COL11A1: variants seen among roughly 807,000 people sequenced by gnomAD.
COL11A1 encodes collagen alpha-1(XI) chain.
COL11A1 carries 74 observed loss-of-function variants against 265.2 expected under a neutral mutation model. The ratio of observed to expected loss-of-function variants is 0.28; its 90% CI spans 0.23 to 0.34. COL11A1 has a LOEUF of 0.34. COL11A1 is among the 10% of genes least tolerant of loss of function. The pLI, the probability that COL11A1 is intolerant of heterozygous loss-of-function variation, is 1.00. For synonymous variants in COL11A1, 816 were observed against 727.6 expected (o/e 1.12, Z -1.96); for missense variants, 2,165 against 2,263.6 (o/e 0.96, Z 0.88).
chr1:102,941,878 T>C (rs1474113986), intron 42 of COL11A1, among the ~76,000 whole-genome samples: 1 of 152,184 alleles, frequency 6.6e-6, no homozygotes, highest in African/African-American at 2.4e-5. Context: ...TTGTGTCTGA[T>C]TTTGCATTCT....
intron 46 of COL11A1, among the ~76,000 whole-genome samples, chr1:102,933,865 G>C (rs575179881): frequency 6.6e-6 from 1 of 152,108 alleles, no homozygotes; most frequent in Non-Finnish European, 1.5e-5. Flanking sequence ...AGGTGAGTCC[G>C]TCACCCCTTT....
At chr1:103,060,497 C>A (rs1228657250) in intron 4 of COL11A1, among the ~76,000 whole-genome samples, 1 of 151,806 alleles carries the variant, frequency 6.6e-6, no homozygotes, top group Non-Finnish European at 1.5e-5. Context: ...ATAATAATAG[C>A]AATAATGGAT....
chr1:103,102,271 G>C (rs1183273641), intron 1 of COL11A1, among the ~76,000 whole-genome samples: 3 of 152,032 alleles, frequency 2.0e-5, no homozygotes, highest in African/African-American at 4.8e-5. Context: ...TAAATTGCAA[G>C]AGAATTTAGA....
At chr1:103,006,540 T>TTTTTTC in intron 15 of COL11A1, among the ~76,000 whole-genome samples, 1 of 131,122 alleles carries the variant, frequency 7.6e-6, no homozygotes, top group Non-Finnish European at 1.6e-5. Flanking sequence ...TTTTTTTTTT[T>TTTTTTC]TTTTTTTTTT....
intron 4 of COL11A1, among the ~76,000 whole-genome samples, chr1:103,067,981 C>G (rs1671281736): frequency 6.6e-6 from 1 of 151,234 alleles, no homozygotes; most frequent in Non-Finnish European, 1.5e-5. Flanking sequence ...AACTCAGGGC[C>G]CTGAAATTTT....
intron 57 of COL11A1, 114 bp downstream of exon 57, chr1:102,898,011 C>A: frequency 3.9e-6 from 2 of 512,452 alleles, no homozygotes; most frequent in South Asian, 2.6e-5. Flanking sequence ...ACTTCTTGGA[C>A]TATTAGAAAA....
Position 103,108,109 on chromosome 1 carries a change from A to C in COL11A1, c.70T>G (p.Leu24Val), listed in dbSNP as rs757861232. 1.9e-6 allele frequency: 3 copies of C among 1,613,862 alleles called. No individual in the cohort carries two copies. In the East Asian group the frequency reaches 6.7e-5, roughly 36 times the overall value. The change falls in exon 1 of 67, where the codon TTG becomes GTG. Residue 24 changes from leucine (L) to valine (V), a missense_variant. Physicochemically the swap from Leu to Val is conservative, Grantham distance 32 (BLOSUM62 1). Transcript: ENST00000370096. ...LWDFTVTTLA[L>V]TFLFQAREVR... Reference sequence around the variant, plus strand: ...TCTCTAGCTTGGAAGAGGAAGGTCAATGCGAGGGTTGTTACGGTGAAATCC... The same window carrying C: ...TCTCTAGCTTGGAAGAGGAAGGTCACTGCGAGGGTTGTTACGGTGAAATCC...
At chr1:103,025,278 T>G (rs1364343199) in intron 7 of COL11A1, among the ~76,000 whole-genome samples, 2 of 152,182 alleles carry the variant, frequency 1.3e-5, no homozygotes, top group Non-Finnish European at 2.9e-5. Context: ...TAGCGGCCAA[T>G]TCAGTTTGAT....
rs60080290 is a variant in COL11A1, at chr1:103,001,778, A to G, written c.2142+147T>C. 4,360 of 718,936 alleles carry G rather than the reference A, an allele frequency of 6.1e-3. 142 individuals carry two copies. In the African/African-American group the frequency reaches 0.068, roughly 11 times the overall value. 44.5% of individuals were successfully genotyped at this position (718,936 alleles called of 1,614,324 possible). Reference sequence around the variant, plus strand: ...CACATGAATGAAATCTCCCCACACTATATTTCCATGTCGACTCCAGATTAA... The same window carrying G: ...CACATGAATGAAATCTCCCCACACTGTATTTCCATGTCGACTCCAGATTAA... On this transcript the variant is annotated intron_variant, in intron 24 of 66. Transcript: ENST00000370096.
Position 102,886,843 on chromosome 1 carries a change from T to C in COL11A1, c.4822A>G (p.Lys1608Glu). The C allele has an allele frequency of 1.2e-6, 2 of 1,613,964 alleles. No individual in the cohort carries two copies. Among genetic ancestry groups the C allele is most frequent in the Non-Finnish European group, 1.7e-6 (2 of 1,179,844 alleles). ...GTQTNPARTC[K>E]DLQLSHPDFP... ...TCAGGATGGCTGAGTTGCAGGTCTT[T>C]ACAAGTTCGGGCTGGATTGGTCTGA... Residue 1608 changes from lysine (K) to glutamate (E), a missense_variant, in exon 63 of 67, where the codon AAA becomes GAA. Lys to Glu is a moderately conservative substitution (Grantham distance 56). Coordinates refer to ENST00000370096, the MANE Select transcript of COL11A1 (RefSeq NM_001854.4).
At chr1:103,071,682 A>C (rs1431374881) in intron 4 of COL11A1, among the ~76,000 whole-genome samples, 1 of 151,434 alleles carries the variant, frequency 6.6e-6, no homozygotes, top group East Asian at 1.9e-4. Flanking sequence ...GACTTTTAGC[A>C]GACAGACAGA....
At chr1:102,878,251 G>T (rs767185218) in intron 66 of COL11A1, 86 bp from the exon 67 acceptor site, 240 of 1,215,748 alleles carry the variant, frequency 2.0e-4, no homozygotes, top group Non-Finnish European at 2.6e-4. Flanking sequence ...TCTGAGTGGA[G>T]GTAAGAAGCT....
At chr1:103,008,010 T>A (rs1437925638) in intron 15 of COL11A1, among the ~76,000 whole-genome samples, 4 of 151,976 alleles carry the variant, frequency 2.6e-5, no homozygotes, top group African/African-American at 9.7e-5. Context: ...ATGAAAATAA[T>A]CCTTCCTTTG....
intron 4 of COL11A1, among the ~76,000 whole-genome samples, chr1:103,060,545 G>T (rs1670592961): frequency 6.6e-6 from 1 of 152,148 alleles, no homozygotes; most frequent in Non-Finnish European, 1.5e-5. Context: ...TAAAATGAAT[G>T]ATTGCAATGA....
chr1:103,021,910 C>T, intron 8 of COL11A1, 141 bp from the exon 9 acceptor site: 4 of 670,006 alleles, frequency 6.0e-6, no homozygotes, highest in African/African-American at 1.8e-5. Context: ...TGCAGTGGCT[C>T]GATCTCCGCT....
At chr1:103,003,398 G>A in intron 20 of COL11A1, 130 bp from the exon 21 acceptor site, 1 of 961,228 alleles carries the variant, frequency 1.0e-6, no homozygotes, top group South Asian at 1.5e-5. Context: ...TTAACACACT[G>A]AAAGTGATGT....
Position 103,003,150 on chromosome 1 carries a change from T to C in COL11A1, c.1998+65A>G, listed in dbSNP as rs138206817. On this transcript the variant is annotated intron_variant, in intron 21 of 66. Coordinates refer to ENST00000370096, the MANE Select transcript of COL11A1 (RefSeq NM_001854.4). Reference sequence around the variant, plus strand: ...CTTGGCTCTCTACTGAGGGCTTTTATGGCCTCTAAAAGGTTGGCAACAAGC... The same window carrying C: ...CTTGGCTCTCTACTGAGGGCTTTTACGGCCTCTAAAAGGTTGGCAACAAGC... The C allele has an allele frequency of 2.4e-5, 37 of 1,538,146 alleles. No homozygotes were observed. In the African/African-American group the frequency reaches 4.6e-4, roughly 19 times the overall value.
At chr1:103,050,575 T>C (rs1234793016) in intron 4 of COL11A1, among the ~76,000 whole-genome samples, 2 of 152,170 alleles carry the variant, frequency 1.3e-5, no homozygotes, top group Non-Finnish European at 2.9e-5. Flanking sequence ...AGTAGTTTGA[T>C]CGTCTGAAGC....
intron 4 of COL11A1, among the ~76,000 whole-genome samples, chr1:103,047,510 C>T (rs552795103): frequency 7.0e-4 from 106 of 152,214 alleles, no homozygotes; most frequent in South Asian, 1.9e-3. Flanking sequence ...TGGGCTGAGA[C>T]GATGGGGTTT....
Sources: gnomAD v4.1 joint callset for allele counts (sites outside exome capture counted in the v4.1 genomes callset) on GRCh38, gnomAD v4.1.1 for gene constraint, MANE v1.5 for transcripts, NCBI Gene and HGNC (gene_info 2026-07-23, HGNC 2026-07-21) for gene names.